Variants in BST1 observed in about 807,000 individuals in gnomAD.
BST1 encodes ADP-ribosyl cyclase/cyclic ADP-ribose hydrolase 2.
A neutral mutation model predicts 40.6 loss-of-function variants in BST1; 49 were observed. The ratio of observed to expected loss-of-function variants is 1.21; its 90% CI spans 0.96 to 1.53. The LOEUF is 1.53. Among genes scored for constraint, BST1 ranks in the 40% most tolerant of loss-of-function variants. The pLI is 0.00. For synonymous variants in BST1, 157 were observed against 159.3 expected (o/e 0.99, Z 0.11); for missense variants, 423 against 395.9 (o/e 1.07, Z -0.58).
chr4:15,736,285 G>GTAGGAAACCATTGCTGAT, downstream of BST1: 1 of 244,646 alleles, frequency 4.1e-6, no homozygotes, highest in Non-Finnish European at 6.5e-6. Flanking sequence ...ATCAGCAATG[G>GTAGGAAACCATTGCTGAT]TTTCCTACCC....
At chr4:15,760,526 G>A in the BST1 span, among the ~76,000 whole-genome samples, 1 of 151,822 alleles carries the variant, frequency 6.6e-6, no homozygotes, top group Non-Finnish European at 1.5e-5. Context: ...TGAGGGCAGG[G>A]ATTTTTGTCT....
At chr4:15,745,751 G>T in the BST1 span, among the ~76,000 whole-genome samples, 1 of 152,096 alleles carries the variant, frequency 6.6e-6, no homozygotes, top group African/African-American at 2.4e-5. Context: ...ATTTTGTAGG[G>T]GATACTCTGG....
chr4:15,705,039 A>T (rs1719800328), intron 1 of BST1: 1 of 720,306 alleles, frequency 1.4e-6, no homozygotes, highest in Admixed American at 2.0e-5. Context: ...AGGGGCTTGC[A>T]CTGGAGGGTG....
At chr4:15,751,906 A>G in the BST1 span, among the ~76,000 whole-genome samples, 2 of 152,154 alleles carry the variant, frequency 1.3e-5, no homozygotes, top group Non-Finnish European at 2.9e-5. Context: ...TATTATAACA[A>G]TTTATTTCTT....
At chr4:15,707,416 G>C in intron 2 of BST1, 95 bp from the exon 3 acceptor site, 2 of 1,465,144 alleles carry the variant, frequency 1.4e-6, no homozygotes, top group Non-Finnish European at 1.9e-6. Context: ...AGTTGAATGA[G>C]AACTGGATTG....
the BST1 span, among the ~76,000 whole-genome samples, chr4:15,753,518 C>G: frequency 3.3e-5 from 5 of 152,222 alleles, no homozygotes; most frequent in African/African-American, 1.2e-4. Flanking sequence ...GCATCCCTCT[C>G]CATTAGGTGA....
At chr4:15,720,254 G>A (rs997237467) in intron 7 of BST1, among the ~76,000 whole-genome samples, 6 of 151,654 alleles carry the variant, frequency 4.0e-5, no homozygotes, top group Non-Finnish European at 5.9e-5. Flanking sequence ...TGGCCTTAAC[G>A]CACGCTCTTT....
At chr4:15,736,277 C>T, downstream of BST1, 1 of 422,592 alleles carries the variant, frequency 2.4e-6, no homozygotes, top group Non-Finnish European at 3.9e-6. Context: ...TGCTCAAAAT[C>T]AGCAATGGTT....
chr4:15,760,232 C>T, the BST1 span, among the ~76,000 whole-genome samples: 4 of 151,088 alleles, frequency 2.6e-5, no homozygotes, highest in African/African-American at 4.9e-5. Context: ...TTTTGAGGTA[C>T]GTCCATGTTG....
chr4:15,711,107 A>C (rs934765140), intron 3 of BST1, among the ~76,000 whole-genome samples: 3 of 152,164 alleles, frequency 2.0e-5, no homozygotes, highest in African/African-American at 7.2e-5. Flanking sequence ...TCTATTAATC[A>C]GTTGATGGAC....
chr4:15,714,289 C>A (rs1365978996), intron 4 of BST1, among the ~76,000 whole-genome samples: 1 of 152,118 alleles, frequency 6.6e-6, no homozygotes, highest in African/African-American at 2.4e-5. Flanking sequence ...ACATATTTCA[C>A]CTCTACACCT....
chr4:15,723,926 AAC>A (rs1438681466), intron 8 of BST1, among the ~76,000 whole-genome samples: 1 of 152,138 alleles, frequency 6.6e-6, no homozygotes, highest in Non-Finnish European at 1.5e-5. Context: ...TTAGGGGTAA[AAC>A]ATAGTGCATT....
chr4:15,728,041 A>C (rs1341126934), intron 8 of BST1, among the ~76,000 whole-genome samples: 1 of 151,898 alleles, frequency 6.6e-6, no homozygotes, highest in Non-Finnish European at 1.5e-5. Context: ...AATTCAGTAG[A>C]CTTTTAATCT....
intron 3 of BST1, among the ~76,000 whole-genome samples, chr4:15,709,161 G>A (rs935622791): frequency 6.6e-6 from 1 of 152,210 alleles, no homozygotes; most frequent in Non-Finnish European, 1.5e-5. Context: ...GATTGAGGGT[G>A]GAGGGCCAGG....
chr4:15,735,649 C>T (rs74432108), downstream of BST1, among the ~76,000 whole-genome samples: 4,683 of 152,232 alleles, frequency 0.031, 244 homozygotes, highest in East Asian at 0.26. Context: ...AACCAACTTC[C>T]AATTCATAAT....
intron 7 of BST1, among the ~76,000 whole-genome samples, chr4:15,719,514 T>A (rs572419121): frequency 1.2e-4 from 18 of 152,160 alleles, no homozygotes; most frequent in South Asian, 4.2e-4. Context: ...ACATTTTTTT[T>A]TTAAAAAACT....
At chr4:15,748,557 A>G in the BST1 span, among the ~76,000 whole-genome samples, 1 of 152,216 alleles carries the variant, frequency 6.6e-6, no homozygotes, top group African/African-American at 2.4e-5. Context: ...TTAATGAAGG[A>G]TATCTGCCAG....
At chr4:15,768,611 A>G in the BST1 span, among the ~76,000 whole-genome samples, 2 of 149,524 alleles carry the variant, frequency 1.3e-5, no homozygotes, top group Non-Finnish European at 3.0e-5. Context: ...CTCCTGCCTC[A>G]GCCTCCCGAG....
intron 8 of BST1, among the ~76,000 whole-genome samples, chr4:15,725,532 G>A (rs1721049130): frequency 6.6e-6 from 1 of 152,082 alleles, no homozygotes; most frequent in African/African-American, 2.4e-5. Context: ...TGTCGCTGCT[G>A]CTCAAAAACC....
Sources: allele counts gnomAD v4.1 joint callset (sites outside exome capture counted in the v4.1 genomes callset), GRCh38; gene constraint gnomAD v4.1.1; transcripts MANE v1.5; gene names NCBI Gene and HGNC (gene_info 2026-07-23, HGNC 2026-07-21).